Variants in ZBTB5 observed in about 807,000 individuals in gnomAD.
ZBTB5 encodes the protein zinc finger and BTB domain-containing protein 5.
In ZBTB5, 15 loss-of-function variants were observed where a neutral mutation model predicts 37.9. The ratio of observed to expected loss-of-function variants is 0.40; its 90% CI spans 0.26 to 0.61. The LOEUF is 0.61. ZBTB5 is among the 20% of genes least tolerant of loss of function. The pLI, the probability that ZBTB5 is intolerant of heterozygous loss-of-function variation, is 0.47. For missense variants in ZBTB5, 708 were observed against 856.8 expected (o/e 0.83, Z 2.17); for synonymous variants, 315 against 312.4 (o/e 1.01, Z -0.09).
In ZBTB5 at chr9:37,440,055, G is replaced by T; in HGVS notation, c.*463C>A. ...TTTAAAGCATTTGTGGCAGACAGGTGTGTCCTCAAAGGCCTTCCTTTAAGA... is the reference window on the plus strand; with the variant it reads ...TTTAAAGCATTTGTGGCAGACAGGTTTGTCCTCAAAGGCCTTCCTTTAAGA... On this transcript the variant is annotated 3_prime_UTR_variant, in exon 2 of 2. Coordinates refer to ENST00000307750, the MANE Select transcript of ZBTB5 (RefSeq NM_014872.3). 5.9e-6 allele frequency: 1 copy of T among 169,790 alleles called. No individual in the cohort carries two copies. Among genetic ancestry groups the T allele is most frequent in the Non-Finnish European group, 1.3e-5 (1 of 78,026 alleles). The allele number at this position is 169,790 out of a possible 1,614,324, so 10.5% of individuals were successfully genotyped here.
intron 1 of ZBTB5, among the ~76,000 whole-genome samples, chr9:37,447,807 C>CT (rs78707930): frequency 0.073 from 10,179 of 139,100 alleles, 412 homozygotes; most frequent in Admixed American, 0.094. Context: ...CTCAATGCTT[C>CT]TTTTTTTTTT....
rs758692924 is a variant in ZBTB5 at position 37,440,504 on chromosome 9, G to A, written c.*14C>T. The A allele has an allele frequency of 3.7e-6, 6 of 1,611,416 alleles. No individual in the cohort carries two copies. The highest frequency in any genetic ancestry group is 2.2e-5 in the South Asian group (2 of 90,984). On this transcript the variant is annotated 3_prime_UTR_variant, in exon 2 of 2. Transcript: ENST00000307750. The stretch of plus-strand genomic sequence containing the variant: ...TGACAACTGGCCTCAGCGTTGTCTT[G>A]TAAGGACAAACAGCTAGAGCAAAGT...
At chr9:37,454,055 T>C (rs1824146855) in intron 1 of ZBTB5, among the ~76,000 whole-genome samples, 1 of 152,218 alleles carries the variant, frequency 6.6e-6, no homozygotes, top group Admixed American at 6.5e-5. Context: ...CTGGTTTGTG[T>C]TGGATCTCTG....
chr9:37,464,851 C>A (rs1405778164), intron 1 of ZBTB5, among the ~76,000 whole-genome samples: 3 of 152,224 alleles, frequency 2.0e-5, no homozygotes, highest in African/African-American at 7.2e-5. Context: ...GGCAAGGGAG[C>A]CGTCCGACCA....
At chr9:37,453,661 C>A (rs1824140603) in intron 1 of ZBTB5, among the ~76,000 whole-genome samples, 2 of 152,154 alleles carry the variant, frequency 1.3e-5, no homozygotes, top group Admixed American at 6.5e-5. Context: ...GATCGAACTG[C>A]CCCAAACACC....
chr9:37,453,187 G>C (rs1276025685), intron 1 of ZBTB5, among the ~76,000 whole-genome samples: 9 of 151,958 alleles, frequency 5.9e-5, no homozygotes, highest in Admixed American at 5.2e-4. Flanking sequence ...CTGTCTGTCT[G>C]TCTCTCTCTC....
At chr9:37,456,312 T>A (rs551021908) in intron 1 of ZBTB5, among the ~76,000 whole-genome samples, 1 of 152,198 alleles carries the variant, frequency 6.6e-6, no homozygotes, top group South Asian at 2.1e-4. Flanking sequence ...GGAACATCCA[T>A]CCATTGTTCT....
At chr9:37,464,657 G>A (rs1191559143) in intron 1 of ZBTB5, among the ~76,000 whole-genome samples, 1 of 152,236 alleles carries the variant, frequency 6.6e-6, no homozygotes, top group Non-Finnish European at 1.5e-5. Flanking sequence ...CTCCTCGCAC[G>A]AAGCCTGGGA....
rs370068482 is a variant in ZBTB5, at chr9:37,454,702, A to G, written c.-5+10513T>C. ...TTCGGAGAACAAGCCAGCACATTTT[A>G]AACTATTTAATTTATACACTGATAT... is the stretch of plus-strand genomic sequence containing the variant. On this transcript the variant is annotated intron_variant, in intron 1 of 1. Transcript: ENST00000307750. Among the ~76,000 whole-genome samples, 94 of 152,348 alleles carry G rather than the reference A, an allele frequency of 6.2e-4. No individual in the cohort carries two copies. In the Middle Eastern group the frequency reaches 0.017, roughly 28 times the overall value.
rs2118933787 is a variant in ZBTB5 at position 37,442,302 on chromosome 9, T to A, written c.250A>T (p.Met84Leu). ...AEAFAALIDM[M>L]YTSTLMLGES... Reference sequence around the variant, plus strand: ...CCCAGCATGAGGGTGGAGGTATACATCATGTCAATCAGTGCAGCAAAGGCC... The same window carrying A: ...CCCAGCATGAGGGTGGAGGTATACAACATGTCAATCAGTGCAGCAAAGGCC... Residue 84 changes from methionine (M) to leucine (L), a missense_variant, in exon 2 of 2, where the codon ATG (methionine) becomes TTG (leucine). Physicochemically the swap from Met to Leu is conservative, Grantham distance 15 (BLOSUM62 2). Transcript: ENST00000307750. 1.2e-6 allele frequency: 2 copies of A among 1,614,178 alleles called. No homozygotes were observed. Among genetic ancestry groups the A allele is most frequent in the Middle Eastern group, 1.6e-4 (1 of 6,062 alleles).
chr9:37,462,934 G>A (rs1286455393), intron 1 of ZBTB5, among the ~76,000 whole-genome samples: 2 of 151,956 alleles, frequency 1.3e-5, no homozygotes, highest in African/African-American at 2.4e-5. Context: ...AAGAAGCCCC[G>A]GAACCAGCCA....
rs1036239696 is a variant in ZBTB5, at chr9:37,438,420, C to A, written c.*2098G>T. On this transcript the variant is annotated 3_prime_UTR_variant, in exon 2 of 2. Coordinates refer to ENST00000307750, the MANE Select transcript of ZBTB5 (RefSeq NM_014872.3). ...CTGGCCCACAAGCTTGCTTCTCACA[C>A]GTAGAAACTGACAGACTAAGAGGTA... is the stretch of plus-strand genomic sequence containing the variant. 1 of 152,570 alleles carries A rather than the reference C, an allele frequency of 6.6e-6. No homozygotes were observed. The highest frequency in any genetic ancestry group is 2.4e-5 in the African/African-American group (1 of 41,444). 9.5% of individuals were successfully genotyped at this position (152,570 alleles called of 1,614,324 possible). A position where few individuals can be genotyped will look rare whatever the true frequency, so the allele number is the denominator to read the frequency against.
Position 37,441,218 on chromosome 9 carries a change from G to A in ZBTB5, c.1334C>T (p.Pro445Leu). The A allele has an allele frequency of 6.2e-7, 1 of 1,614,110 alleles. No homozygotes were observed. Among genetic ancestry groups the A allele is most frequent in the African/African-American group, 1.3e-5 (1 of 75,038 alleles). The change falls in exon 2 of 2, where the codon CCC (proline) becomes CTC (leucine). Residue 445 changes from proline to leucine, a missense_variant. Pro to Leu is a moderately conservative substitution (Grantham distance 98). Around this residue, in one of 3 missense-constraint regions of ZBTB5, gnomAD observed 639 missense variants for 690.5 expected, o/e 0.93. Transcript: ENST00000307750. ...TSDCRLESEA[P>L]YLLSPEAGPA... The stretch of plus-strand genomic sequence containing the variant: ...CCCAGCCTCTGGACTCAACAAATAG[G>A]GGGCCTCACTCTCCAGCCTGCAGTC...
intron 1 of ZBTB5, among the ~76,000 whole-genome samples, chr9:37,457,647 G>GTA (rs768168613): frequency 1.3e-5 from 2 of 152,234 alleles, no homozygotes; most frequent in Non-Finnish European, 2.9e-5. Flanking sequence ...CATGAATAAC[G>GTA]ATATTACAAA....
intron 1 of ZBTB5, among the ~76,000 whole-genome samples, chr9:37,445,424 C>T (rs1018597368): frequency 2.6e-5 from 4 of 152,094 alleles, no homozygotes; most frequent in African/African-American, 9.7e-5. Context: ...AGGTGGGTCC[C>T]TTGAGCCCCC....
intron 1 of ZBTB5, among the ~76,000 whole-genome samples, chr9:37,451,555 C>CAAAAAAAAAAAAAAA (rs67502719): frequency 8.1e-4 from 59 of 72,734 alleles, no homozygotes; most frequent in African/African-American, 3.1e-3. Flanking sequence ...GAGACTATCT[C>CAAAAAAAAAAAAAAA]AAAAAAAAAA....
chr9:37,453,321 G>A (rs1372866365), intron 1 of ZBTB5, among the ~76,000 whole-genome samples: 1 of 151,910 alleles, frequency 6.6e-6, no homozygotes, highest in East Asian at 1.9e-4. Flanking sequence ...CCGTTGGCTG[G>A]GATTACAGGC....
intron 1 of ZBTB5, among the ~76,000 whole-genome samples, chr9:37,454,871 C>G (rs1824159969): frequency 6.6e-6 from 1 of 152,224 alleles, no homozygotes; most frequent in African/African-American, 2.4e-5. Context: ...AGCAAATTAA[C>G]ATTCTAAGGA....
At chr9:37,447,342 G>A (rs903181550) in intron 1 of ZBTB5, among the ~76,000 whole-genome samples, 2 of 152,202 alleles carry the variant, frequency 1.3e-5, no homozygotes, top group African/African-American at 4.8e-5. Flanking sequence ...TTCATGTGGG[G>A]ATTCAATTTG....
Sources: gnomAD v4.1 joint callset for allele counts (sites outside exome capture counted in the v4.1 genomes callset) on GRCh38, gnomAD v4.1.1 for gene constraint, gnomAD v4.1.1 regional missense constraint, MANE v1.5 for transcripts, NCBI Gene and HGNC (gene_info 2026-07-23, HGNC 2026-07-21) for gene names.